PTP4A1: variants seen among roughly 807,000 people sequenced by gnomAD.
PTP4A1 encodes the protein protein tyrosine phosphatase type IVA 1.
A neutral mutation model predicts 20.5 loss-of-function variants in PTP4A1; 9 were observed. The ratio of observed to expected loss-of-function variants is 0.44; its 90% CI spans 0.26 to 0.77. PTP4A1 has a LOEUF of 0.77. Among genes scored for constraint, PTP4A1 ranks in the 30% least tolerant of loss-of-function variants. The pLI is 0.19. For missense variants in PTP4A1, 137 were observed against 218.8 expected, an observed-to-expected ratio of 0.63 and a Z score of 2.36; for synonymous variants, 78 against 67.4, an observed-to-expected ratio of 1.16 and a Z score of -0.77.
intron 3 of PTP4A1, among the ~76,000 whole-genome samples, chr6:63,557,283 G>A (rs1776732195): frequency 6.6e-6 from 1 of 152,180 alleles, no homozygotes; most frequent in African/African-American, 2.4e-5. Flanking sequence ...ATTAATATTA[G>A]GTGTGGGCAT....
Position 63,576,787 on chromosome 6 carries a change from T to G in PTP4A1, c.-94T>G. On this transcript the variant is annotated 5_prime_UTR_variant, in exon 2 of 6. Coordinates refer to ENST00000626021, the MANE Select transcript of PTP4A1 (RefSeq NM_003463.5). Reference sequence around the variant, plus strand: ...AGCACTGAGAATTTCAAGTGGAGTATATTGAAGTAGACTTCAGTTTCTTTG... The same window carrying G: ...AGCACTGAGAATTTCAAGTGGAGTAGATTGAAGTAGACTTCAGTTTCTTTG... 1.0e-6 allele frequency: 1 copy of G among 953,676 alleles called. No individual in the cohort carries two copies. The allele number at this position is 953,676 out of a possible 1,614,324, so 59.1% of individuals were successfully genotyped here. A position where few individuals can be genotyped will look rare whatever the true frequency, so the allele number is the denominator to read the frequency against.
At chr6:63,546,134 T>C (rs1776171626) in intron 2 of PTP4A1, among the ~76,000 whole-genome samples, 1 of 152,142 alleles carries the variant, frequency 6.6e-6, no homozygotes, top group African/African-American at 2.4e-5. Flanking sequence ...GATTTTAAAA[T>C]GTGGATAAAG....
At chr6:63,527,037 T>C (rs1306178756) in intron 1 of PTP4A1, among the ~76,000 whole-genome samples, 3 of 152,072 alleles carry the variant, frequency 2.0e-5, no homozygotes, top group Non-Finnish European at 2.9e-5. Context: ...ACCTTATATA[T>C]GTATTTCTAC....
chr6:63,529,660 T>C (rs1433730407), intron 2 of PTP4A1, among the ~76,000 whole-genome samples: 1 of 152,222 alleles, frequency 6.6e-6, no homozygotes, highest in Non-Finnish European at 1.5e-5. Context: ...CCTGTTTGCA[T>C]AAAATGAAAG....
chr6:63,576,582 A>T lies in PTP4A1; in HGVS notation c.-299A>T, dbSNP rs554251885. 1.9e-5 allele frequency: 9 copies of T among 464,662 alleles called. No homozygotes were observed. The highest frequency in any genetic ancestry group is 3.9e-5 in the Admixed American group (1 of 25,550). The allele number at this position is 464,662 out of a possible 1,614,324, so 28.8% of individuals were successfully genotyped here. A position where few individuals can be genotyped will look rare whatever the true frequency, so the allele number is the denominator to read the frequency against. On this transcript the variant is annotated 5_prime_UTR_variant, in exon 2 of 6. Coordinates refer to ENST00000626021, the MANE Select transcript of PTP4A1 (RefSeq NM_003463.5). ...CCAAGAAGCCCCCATAAGAGTGGTT[A>T]TCCTGGACACAGAAGTGTTGAATTG... is the stretch of plus-strand genomic sequence containing the variant.
chr6:63,561,697 C>T (rs1412300188), intron 3 of PTP4A1, among the ~76,000 whole-genome samples: 2 of 152,154 alleles, frequency 1.3e-5, no homozygotes, highest in African/African-American at 2.4e-5. Flanking sequence ...TTTATAGCCA[C>T]AAACATGATA....
At chr6:63,543,294 C>T (rs1015467839) in intron 2 of PTP4A1, among the ~76,000 whole-genome samples, 71 of 152,158 alleles carry the variant, frequency 4.7e-4, no homozygotes, top group Admixed American at 4.5e-3. Flanking sequence ...AAAATGAACC[C>T]TCCTCAGGGA....
intron 2 of PTP4A1, among the ~76,000 whole-genome samples, chr6:63,536,447 C>T (rs1288032538): frequency 6.6e-6 from 1 of 152,156 alleles, no homozygotes; most frequent in Non-Finnish European, 1.5e-5. Flanking sequence ...TTAAGGATAT[C>T]CCATTAATTT....
chr6:63,554,170 A>T (rs1776569256), intron 3 of PTP4A1, among the ~76,000 whole-genome samples: 1 of 152,184 alleles, frequency 6.6e-6, no homozygotes, highest in Non-Finnish European at 1.5e-5. Context: ...TACAATCCTC[A>T]CCAGAAGTGT....
At chr6:63,578,271 TAAAAC>T (rs1306180526) in intron 2 of PTP4A1, among the ~76,000 whole-genome samples, 161 bp from the exon 3 acceptor site, 4 of 152,230 alleles carry the variant, frequency 2.6e-5, no homozygotes, top group Non-Finnish European at 4.4e-5. Context: ...CATTGTCACT[TAAAAC>T]AAAATTTGCT....
chr6:63,536,141 G>A lies in PTP4A1; in HGVS notation c.-640+8057G>A, dbSNP rs116647923. ...GAGGCCAACAGTTCCAGACCAGCCT[G>A]GCCAACAAGATGAAACCACGTCTCT... is the stretch of plus-strand genomic sequence containing the variant. On this transcript the variant is annotated intron_variant, in intron 2 of 3. Transcript: ENST00000639568. Among the ~76,000 whole-genome samples, 1,180 of 152,140 alleles carry A rather than the reference G, an allele frequency of 7.8e-3. 19 individuals are homozygous for A. Among genetic ancestry groups the A allele is most frequent in the African/African-American group, 0.027 (1,139 of 41,580 alleles).
chr6:63,555,665 G>GTATGC (rs1776649793), intron 3 of PTP4A1, among the ~76,000 whole-genome samples: 1 of 150,438 alleles, frequency 6.6e-6, no homozygotes, highest in Admixed American at 6.6e-5. Flanking sequence ...TCAACAGAAA[G>GTATGC]TATGCAATTC....
intron 2 of PTP4A1, among the ~76,000 whole-genome samples, chr6:63,538,199 A>G (rs1189923483): frequency 6.6e-6 from 1 of 152,206 alleles, no homozygotes; most frequent in Non-Finnish European, 1.5e-5. Context: ...TAGGGAAATG[A>G]CAGGTTGTTC....
upstream of PTP4A1, among the ~76,000 whole-genome samples, chr6:63,519,604 C>A (rs191529952): frequency 1.4e-3 from 212 of 152,236 alleles, no homozygotes; most frequent in Non-Finnish European, 2.4e-3. Context: ...AGCTTATTTC[C>A]TGTTTTGTGA....
intron 1 of PTP4A1, among the ~76,000 whole-genome samples, chr6:63,524,200 G>T (rs1269608099): frequency 6.6e-6 from 1 of 152,076 alleles, no homozygotes; most frequent in Non-Finnish European, 1.5e-5. Context: ...GTCCAGGCTG[G>T]TCTCAAACTC....
chr6:63,580,530 A>G lies in PTP4A1; in HGVS notation c.*356A>G, dbSNP rs1778160773. On this transcript the variant is annotated 3_prime_UTR_variant, in exon 6 of 6. Coordinates refer to ENST00000626021, the MANE Select transcript of PTP4A1 (RefSeq NM_003463.5). ...ATTTAGGAAGATTAGGTGCCAAAAT[A>G]CCCAGCACAATACTTGTATATTTTT... The G allele has an allele frequency of 5.5e-6, 1 of 182,014 alleles. No homozygotes were observed. The highest frequency in any genetic ancestry group is 1.3e-4 in the South Asian group (1 of 7,810). 11.3% of individuals were successfully genotyped at this position (182,014 alleles called of 1,614,324 possible).
At chr6:63,554,905 A>T (rs1300997679) in intron 3 of PTP4A1, among the ~76,000 whole-genome samples, 1 of 152,248 alleles carries the variant, frequency 6.6e-6, no homozygotes, top group African/African-American at 2.4e-5. Context: ...GCTGGTGTAT[A>T]GTAGATTTTC....
chr6:63,580,296 G>GTT lies in PTP4A1; in HGVS notation c.*125_*126dup. The GTT allele has an allele frequency of 1.3e-6, 1 of 774,126 alleles. No homozygotes were observed. Among genetic ancestry groups the GTT allele is most frequent in the Non-Finnish European group, 2.1e-6 (1 of 472,828 alleles). 48.0% of individuals were successfully genotyped at this position (774,126 alleles called of 1,614,324 possible). A position where few individuals can be genotyped will look rare whatever the true frequency, so the allele number is the denominator to read the frequency against. On this transcript the variant is annotated 3_prime_UTR_variant, in exon 6 of 6. Coordinates refer to ENST00000626021, the MANE Select transcript of PTP4A1 (RefSeq NM_003463.5). ...GCTTCCATAGGAGTATTGAAAGGCAGTTTTACCAGGCCTCAAGCTAGACAG... is the reference window on the plus strand; with the variant it reads ...GCTTCCATAGGAGTATTGAAAGGCAGTTTTTTACCAGGCCTCAAGCTAGACAG...
upstream of PTP4A1, among the ~76,000 whole-genome samples, chr6:63,518,372 C>T (rs1324334991): frequency 2.0e-5 from 3 of 152,100 alleles, no homozygotes; most frequent in African/African-American, 7.2e-5. Context: ...GAGGTCCTGG[C>T]AGAAAAGGCA....
Sources: allele counts gnomAD v4.1 joint callset (sites outside exome capture counted in the v4.1 genomes callset), GRCh38; gene constraint gnomAD v4.1.1; transcripts MANE v1.5; gene names NCBI Gene and HGNC (gene_info 2026-07-23, HGNC 2026-07-21).